TRIO: variants seen among roughly 807,000 people sequenced by gnomAD.
TRIO encodes trio Rho guanine nucleotide exchange factor.
Under a neutral mutation model 351.9 loss-of-function variants are expected in TRIO, and 58 were observed. The observed-to-expected ratio is 0.16, with a 90% CI of 0.13 to 0.21. The LOEUF (loss-of-function observed/expected upper bound fraction) is 0.21, where lower values mean the gene tolerates loss of function less well. Among genes scored for constraint, TRIO ranks in the 10% least tolerant of loss-of-function variants. The probability of loss-of-function intolerance (pLI) is 1.00; values close to 1 mark genes in which losing one functional copy is unlikely to be tolerated. For missense variants in TRIO, 3,201 were observed against 4,027.8 expected, an observed-to-expected ratio of 0.79 and a Z score of 5.56; for synonymous variants, 1,758 against 1,595.7, an observed-to-expected ratio of 1.10 and a Z score of -2.42.
At chr5:14,298,213 A>G (rs1737531541) in intron 7 of TRIO, among the ~76,000 whole-genome samples, 1 of 152,208 alleles carries the variant, frequency 6.6e-6, no homozygotes, top group African/African-American at 2.4e-5. Context: ...GTAATGGGTA[A>G]TATATGCCCC....
intron 10 of TRIO, 144 bp downstream of exon 10, chr5:14,331,044 T>C: frequency 8.1e-7 from 1 of 1,233,770 alleles, no homozygotes; most frequent in East Asian, 2.5e-5. Context: ...GATTTCAGAG[T>C]GAAGTTGTCA....
intron 9 of TRIO, among the ~76,000 whole-genome samples, chr5:14,330,288 T>C (rs760557859): frequency 6.6e-6 from 1 of 152,186 alleles, no homozygotes; most frequent in African/African-American, 2.4e-5. Flanking sequence ...GGCATGTAAG[T>C]GTTAGGTTTT....
chr5:14,315,089 C>T (rs916143968), intron 8 of TRIO, among the ~76,000 whole-genome samples: 4 of 152,096 alleles, frequency 2.6e-5, no homozygotes, highest in Non-Finnish European at 4.4e-5. Flanking sequence ...TTAAAGGAAG[C>T]GATTAGGAAA....
At chr5:14,262,691 G>GGT (rs1795422177) in intron 1 of TRIO, among the ~76,000 whole-genome samples, 1 of 152,076 alleles carries the variant, frequency 6.6e-6, no homozygotes. Flanking sequence ...GTTTCATGGA[G>GGT]GTAGGGGATG....
chr5:14,231,314 CAA>C (rs1332902462), intron 1 of TRIO, among the ~76,000 whole-genome samples: 1 of 152,146 alleles, frequency 6.6e-6, no homozygotes, highest in Admixed American at 6.5e-5. Context: ...GTGTCTGAAA[CAA>C]GAGTTAAGGT....
At chr5:14,352,238 A>G (rs1227489110) in intron 11 of TRIO, among the ~76,000 whole-genome samples, 1 of 152,170 alleles carries the variant, frequency 6.6e-6, no homozygotes, top group Non-Finnish European at 1.5e-5. Context: ...ACCTCTCAGC[A>G]CTAGAGATGG....
chr5:14,200,531 G>A (rs1791045914), intron 1 of TRIO, among the ~76,000 whole-genome samples: 1 of 152,218 alleles, frequency 6.6e-6, no homozygotes, highest in South Asian at 2.1e-4. Flanking sequence ...TGCATTGTAA[G>A]TATTCAGTAT....
intron 11 of TRIO, among the ~76,000 whole-genome samples, chr5:14,338,449 T>G (rs1052305343): frequency 6.6e-6 from 1 of 152,210 alleles, no homozygotes; most frequent in African/African-American, 2.4e-5. Context: ...CGCTCTCCCT[T>G]GCACCTTCTA....
Position 14,280,418 on chromosome 5 carries a change from A to G in TRIO, c.329A>G (p.Tyr110Cys). Residue 110 changes from tyrosine to cysteine, a missense_variant, in exon 3 of 57, where the codon TAT becomes TGT. By Grantham distance (194) the Tyr-to-Cys change is radical. This residue lies in a region of TRIO where 11 missense variants were observed against 36.8 expected (regional missense o/e 0.30). Transcript: ENST00000344204. ...RQEDLRRLISYLACIPSEEVC... is the reference protein window; with the variant it reads ...RQEDLRRLISCLACIPSEEVC... ...GAGGATCTCAGGAGACTCATTTCCT[A>G]TCTAGCCTGTATTCCCAGGTAAGTT... The G allele has an allele frequency of 6.2e-7, 1 of 1,614,116 alleles. No homozygotes were observed. The highest frequency in any genetic ancestry group is 8.5e-7 in the Non-Finnish European group (1 of 1,179,974).
chr5:14,204,126 T>C (rs1456284230), intron 1 of TRIO, among the ~76,000 whole-genome samples: 1 of 152,218 alleles, frequency 6.6e-6, no homozygotes, highest in African/African-American at 2.4e-5. Context: ...TTTTATTTCT[T>C]GGGAAATGCT....
chr5:14,230,634 C>T (rs943746715), intron 1 of TRIO, among the ~76,000 whole-genome samples: 2 of 152,134 alleles, frequency 1.3e-5, no homozygotes, highest in African/African-American at 2.4e-5. Flanking sequence ...AATGTCTTCT[C>T]ATATACATAT....
chr5:14,388,857 A>G (rs934734587), intron 24 of TRIO, among the ~76,000 whole-genome samples, 178 bp downstream of exon 24: 4 of 151,968 alleles, frequency 2.6e-5, no homozygotes, highest in African/African-American at 9.7e-5. Context: ...GTAGAGTTCT[A>G]GGTTTGTTTT....
chr5:14,261,260 G>A (rs1472206151), intron 1 of TRIO, among the ~76,000 whole-genome samples: 2 of 152,216 alleles, frequency 1.3e-5, no homozygotes, highest in Non-Finnish European at 2.9e-5. Context: ...AGTGTTTGTT[G>A]TGTACCCTTC....
At chr5:14,417,491 G>C (rs1749742977) in intron 33 of TRIO, among the ~76,000 whole-genome samples, 1 of 152,250 alleles carries the variant, frequency 6.6e-6, no homozygotes. Flanking sequence ...GAACACAGCG[G>C]GAGTGTGAGC....
intron 11 of TRIO, among the ~76,000 whole-genome samples, chr5:14,349,556 G>C (rs1031514016): frequency 6.6e-6 from 1 of 152,170 alleles, no homozygotes; most frequent in Non-Finnish European, 1.5e-5. Flanking sequence ...CAGTCGTGGC[G>C]ACTGCTGTCT....
chr5:14,382,955 C>CTG (rs977908690), intron 21 of TRIO, among the ~76,000 whole-genome samples: 6 of 151,732 alleles, frequency 4.0e-5, no homozygotes, highest in African/African-American at 1.5e-4. Context: ...GTGTGTGTGT[C>CTG]TGTGTGTGTG....
At chr5:14,503,428 C>T (rs2126704271) in intron 54 of TRIO, among the ~76,000 whole-genome samples, 1 of 152,258 alleles carries the variant, frequency 6.6e-6, no homozygotes, top group East Asian at 1.9e-4. Context: ...GTGACATGTG[C>T]CTTCTTCCAG....
In TRIO at chr5:14,488,023, C is replaced by T. The variant is rs1018447775; in HGVS notation, c.7395C>T (p.Val2465=). 2 of 1,598,996 alleles carry T rather than the reference C, an allele frequency of 1.3e-6. No homozygotes were observed. Among genetic ancestry groups the T allele is most frequent in the Non-Finnish European group, 1.7e-6 (2 of 1,174,126 alleles). The part of the protein sequence containing the change: ...SPLNSPLSSA[V]PSLGKEPFPP... ...TGAACTCGCCGCTCTCCAGCGCGGTCCCTTCTCTCGGCAAGGAGCCCTTCC... is the reference window on the plus strand; with the variant it reads ...TGAACTCGCCGCTCTCCAGCGCGGTTCCTTCTCTCGGCAAGGAGCCCTTCC... The change falls in exon 48 of 57, where the codon GTC becomes GTT. Residue 2465 remains valine (V), a synonymous_variant. Coordinates refer to ENST00000344204, the MANE Select transcript of TRIO (RefSeq NM_007118.4).
chr5:14,472,750 C>A, intron 39 of TRIO, 92 bp downstream of exon 39: 1 of 1,346,000 alleles, frequency 7.4e-7, no homozygotes, highest in South Asian at 1.4e-5. Context: ...CTCTCAAAAG[C>A]TTTAAAAACA....
Sources: gnomAD v4.1 joint callset for allele counts (sites outside exome capture counted in the v4.1 genomes callset) on GRCh38, gnomAD v4.1.1 for gene constraint, gnomAD v4.1.1 regional missense constraint, MANE v1.5 for transcripts, NCBI Gene and HGNC (gene_info 2026-07-23, HGNC 2026-07-21) for gene names.